ATXN1: variants seen among roughly 807,000 people sequenced by gnomAD.
The protein encoded by ATXN1 is ataxin 1.
Under a neutral mutation model 56.4 loss-of-function variants are expected in ATXN1, and 8 were observed. The ratio of observed to expected loss-of-function variants is 0.14; its 90% CI spans 0.08 to 0.26. The LOEUF is 0.26. ATXN1 is among the 10% of genes least tolerant of loss of function. The pLI is 1.00. For synonymous variants in ATXN1, 514 were observed against 494.6 expected (o/e 1.04, Z -0.52); for missense variants, 987 against 1,106.5 (o/e 0.89, Z 1.53).
chr6:16,592,776 G>A (rs1762745492), intron 3 of ATXN1, among the ~76,000 whole-genome samples: 2 of 147,458 alleles, frequency 1.4e-5, no homozygotes, highest in South Asian at 4.2e-4. Context: ...CCAAAAGACT[G>A]AACAGCAGCA....
intron 2 of ATXN1, among the ~76,000 whole-genome samples, chr6:16,711,551 C>CAT (rs765634237): frequency 6.6e-5 from 10 of 150,690 alleles, no homozygotes; most frequent in South Asian, 4.2e-4. Flanking sequence ...TATATATACA[C>CAT]ATATATATAT....
intron 4 of ATXN1, among the ~76,000 whole-genome samples, chr6:16,534,015 T>C (rs1761551470): frequency 6.6e-6 from 1 of 152,138 alleles, no homozygotes; most frequent in South Asian, 2.1e-4. Context: ...TTTTTTCCTA[T>C]ATTCTTGGTA....
At position 16,484,947 on chromosome 6, in the gene ATXN1, ATGTGTGTG is replaced by A. The variant is rs35749735; in HGVS notation, c.-161+1017_-161+1024del. ...TAAGAAGCTGGAAACCTAAATATAT[ATGTGTGTG>A]TGTGTGTGTGTGTGTGTGTGTGTGT... On this transcript the variant is annotated intron_variant, in intron 6 of 7. Coordinates refer to ENST00000436367, the MANE Select transcript of ATXN1 (RefSeq NM_001128164.2). Among the ~76,000 whole-genome samples, 272 of 126,046 alleles carry A rather than the reference ATGTGTGTG, an allele frequency of 2.2e-3. 2 individuals are homozygous for A. The highest frequency in any genetic ancestry group is 3.8e-3 in the Middle Eastern group (1 of 260). 82.7% of individuals were successfully genotyped at this position (126,046 alleles called of 152,430 possible). A position where few individuals can be genotyped will look rare whatever the true frequency, so the allele number is the denominator to read the frequency against.
chr6:16,486,462 G>A (rs187427127), intron 5 of ATXN1, among the ~76,000 whole-genome samples: 1 of 152,292 alleles, frequency 6.6e-6, no homozygotes, highest in Admixed American at 6.5e-5. Context: ...CTGGGTCATG[G>A]AGAAGATCAA....
At chr6:16,475,178 T>A (rs1581787800) in intron 6 of ATXN1, among the ~76,000 whole-genome samples, 1 of 152,210 alleles carries the variant, frequency 6.6e-6, no homozygotes, top group South Asian at 2.1e-4. Flanking sequence ...CCTCAGCATA[T>A]GCACATGGAT....
chr6:16,730,508 A>AT (rs1759951148), intron 2 of ATXN1, among the ~76,000 whole-genome samples: 1 of 88,152 alleles, frequency 1.1e-5, no homozygotes, highest in African/African-American at 4.0e-5. Context: ...TATATATATA[A>AT]ATGTATTTAT....
At chr6:16,530,663 T>C (rs1209761668) in intron 4 of ATXN1, among the ~76,000 whole-genome samples, 1 of 152,180 alleles carries the variant, frequency 6.6e-6, no homozygotes, top group African/African-American at 2.4e-5. Context: ...CTAGGCTTAG[T>C]ACCTGGTGAC....
chr6:16,606,218 G>C (rs1345439265), intron 3 of ATXN1, among the ~76,000 whole-genome samples: 2 of 152,078 alleles, frequency 1.3e-5, no homozygotes, highest in East Asian at 3.8e-4. Context: ...TCTATATTTA[G>C]AACACCTAGC....
At chr6:16,557,084 G>A (rs2113734326) in intron 4 of ATXN1, among the ~76,000 whole-genome samples, 1 of 152,248 alleles carries the variant, frequency 6.6e-6, no homozygotes, top group South Asian at 2.1e-4. Flanking sequence ...AGCACTTTGG[G>A]AGGGCGAGGT....
At chr6:16,481,381 A>AGTGT (rs531416183) in intron 6 of ATXN1, among the ~76,000 whole-genome samples, 24 of 152,080 alleles carry the variant, frequency 1.6e-4, no homozygotes, top group African/African-American at 5.3e-4. Flanking sequence ...CTCTTATTAG[A>AGTGT]GTGTGCGTGT....
chr6:16,656,401 G>A (rs553056705), intron 3 of ATXN1, among the ~76,000 whole-genome samples: 2 of 152,316 alleles, frequency 1.3e-5, no homozygotes, highest in South Asian at 4.1e-4. Flanking sequence ...GTTCCAAGAT[G>A]ATGAGCAAGT....
rs557541319 is a variant in ATXN1 at position 16,511,759 on chromosome 6, T to C, written c.-299+10868A>G. ...AAAATTCAAGTTGATAGTCCACCCA[T>C]TGCAAAAGGATATTTCCTTCAGGAA... On this transcript the variant is annotated intron_variant, in intron 5 of 7. Transcript: ENST00000436367. Among the ~76,000 whole-genome samples, 3 of 152,198 alleles carry C rather than the reference T, an allele frequency of 2.0e-5. No homozygotes were observed. In the East Asian group the frequency reaches 5.8e-4, roughly 29 times the overall value.
intron 6 of ATXN1, among the ~76,000 whole-genome samples, chr6:16,407,625 T>G (rs1758711988): frequency 6.6e-6 from 1 of 152,228 alleles, no homozygotes; most frequent in African/African-American, 2.4e-5. Flanking sequence ...GAGACTAAAA[T>G]TCCCAGGGGC....
intron 6 of ATXN1, among the ~76,000 whole-genome samples, chr6:16,484,965 G>GTT (rs1482610598): frequency 6.4e-5 from 8 of 124,218 alleles, no homozygotes; most frequent in Admixed American, 3.6e-4. Flanking sequence ...GTGTGTGTGT[G>GTT]TGTGTGTGTG....
chr6:16,392,693 A>T (rs1758380344), intron 6 of ATXN1, among the ~76,000 whole-genome samples: 6 of 152,074 alleles, frequency 3.9e-5, no homozygotes. Context: ...ACAGGGTTTC[A>T]TCATGTTAGG....
intron 5 of ATXN1, among the ~76,000 whole-genome samples, chr6:16,488,204 GTTATCACAGTGAAGTAAAA>G (rs1554110022): frequency 6.6e-6 from 1 of 152,100 alleles, no homozygotes; most frequent in Non-Finnish European, 1.5e-5. Context: ...AAGTCACTCC[GTTATCACAGTGAAGTAAAA>G]GGAAGCTCTC....
intron 7 of ATXN1, among the ~76,000 whole-genome samples, chr6:16,318,518 G>A (rs1442354780): frequency 2.0e-5 from 3 of 152,112 alleles, no homozygotes; most frequent in Non-Finnish European, 2.9e-5. Context: ...AAAGATGAAG[G>A]GGGTAAGCGA....
At chr6:16,581,216 T>C (rs1220621204) in intron 4 of ATXN1, among the ~76,000 whole-genome samples, 56 of 134,926 alleles carry the variant, frequency 4.2e-4, no homozygotes, top group African/African-American at 1.8e-3. Context: ...TGTGTGTGTG[T>C]GTGTGTGTGC....
At chr6:16,739,162 G>C (rs1289217755) in intron 2 of ATXN1, 1 of 120,732 alleles carries the variant, frequency 8.3e-6, no homozygotes, top group African/African-American at 3.3e-5. Flanking sequence ...GTTGTGTTAC[G>C]ACTTGTTAAA....
Sources: allele counts gnomAD v4.1 joint callset (sites outside exome capture counted in the v4.1 genomes callset), GRCh38; gene constraint gnomAD v4.1.1; transcripts MANE v1.5; gene names NCBI Gene and HGNC (gene_info 2026-07-23, HGNC 2026-07-21).